PAMR1: variants seen among roughly 807,000 people sequenced by gnomAD.
The protein encoded by PAMR1 is peptidase domain containing associated with muscle regeneration 1.
In PAMR1, 88 loss-of-function variants were observed where a neutral mutation model predicts 81.8. The observed-to-expected ratio is 1.08, with a 90% CI of 0.91 to 1.28. The LOEUF is 1.28. PAMR1 is among the 50% of genes most tolerant of loss of function. PAMR1 has a pLI of 0.00. For missense variants in PAMR1, 935 were observed against 919.7 expected, an observed-to-expected ratio of 1.02 and a Z score of -0.21; for synonymous variants, 336 against 345.3, an observed-to-expected ratio of 0.97 and a Z score of 0.30.
intron 1 of PAMR1, among the ~76,000 whole-genome samples, chr11:35,514,775 C>A (rs567010142): frequency 7.9e-5 from 12 of 152,244 alleles, no homozygotes; most frequent in African/African-American, 2.2e-4. Flanking sequence ...GGCTTGAGGT[C>A]AGGAGTTTGA....
At chr11:35,515,035 A>G (rs1720350678) in intron 1 of PAMR1, among the ~76,000 whole-genome samples, 1 of 152,200 alleles carries the variant, frequency 6.6e-6, no homozygotes, top group African/African-American at 2.4e-5. Context: ...TGGCTATACA[A>G]TTCAACAAAT....
chr11:35,471,300 C>T (rs2135379415), intron 4 of PAMR1, among the ~76,000 whole-genome samples: 1 of 152,318 alleles, frequency 6.6e-6, no homozygotes, highest in South Asian at 2.1e-4. Flanking sequence ...GGCCTGTCTT[C>T]TCCACTGGCC....
intron 3 of PAMR1, among the ~76,000 whole-genome samples, chr11:35,489,739 G>A (rs925619367): frequency 6.6e-6 from 1 of 152,018 alleles, no homozygotes; most frequent in Non-Finnish European, 1.5e-5. Flanking sequence ...ATATCTTCCT[G>A]CTCTGCCAAC....
At chr11:35,471,476 T>A (rs1422225172) in intron 4 of PAMR1, among the ~76,000 whole-genome samples, 1 of 152,188 alleles carries the variant, frequency 6.6e-6, no homozygotes, top group Non-Finnish European at 1.5e-5. Context: ...AAGCTCATAT[T>A]GTTTTGCAAG....
At chr11:35,482,628 G>C (rs1850417702) in intron 3 of PAMR1, among the ~76,000 whole-genome samples, 1 of 152,190 alleles carries the variant, frequency 6.6e-6, no homozygotes. Flanking sequence ...ACTTTGGGCA[G>C]TATGGCCATT....
At chr11:35,526,495 A>G (rs1038536785), upstream of PAMR1, among the ~76,000 whole-genome samples, 1 of 152,238 alleles carries the variant, frequency 6.6e-6, no homozygotes, top group African/African-American at 2.4e-5. Flanking sequence ...ACTTTTTAAA[A>G]TAAACTCCTC....
At chr11:35,498,388 C>T (rs147479846) in intron 1 of PAMR1, among the ~76,000 whole-genome samples, 2,418 of 152,146 alleles carry the variant, frequency 0.016, 36 homozygotes, top group Non-Finnish European at 0.026. Flanking sequence ...AGTTTAGTAT[C>T]CAGTAAAATG....
intron 2 of PAMR1, among the ~76,000 whole-genome samples, chr11:35,493,548 C>T (rs1022480718): frequency 2.6e-5 from 4 of 152,174 alleles, no homozygotes; most frequent in Admixed American, 1.3e-4. Flanking sequence ...ACAGGACCTT[C>T]GCACATGTTA....
At chr11:35,505,720 C>T (rs745720154) in intron 1 of PAMR1, among the ~76,000 whole-genome samples, 4 of 152,088 alleles carry the variant, frequency 2.6e-5, no homozygotes. Flanking sequence ...CTTTTGCCAT[C>T]CCTTCACATT....
intron 1 of PAMR1, among the ~76,000 whole-genome samples, chr11:35,502,142 G>A (rs756103773): frequency 4.0e-5 from 6 of 151,898 alleles, no homozygotes; most frequent in Non-Finnish European, 7.4e-5. Flanking sequence ...ATCTCATGGC[G>A]GTTTTCATTT....
upstream of PAMR1, among the ~76,000 whole-genome samples, chr11:35,528,613 CT>C (rs58265525): frequency 2.0e-5 from 3 of 151,984 alleles, no homozygotes; most frequent in South Asian, 6.2e-4. Context: ...TCTGTTTTTT[CT>C]TTTTTTTGTC....
chr11:35,437,865 C>A (rs937893027), intron 8 of PAMR1, among the ~76,000 whole-genome samples: 1 of 152,112 alleles, frequency 6.6e-6, no homozygotes, highest in Non-Finnish European at 1.5e-5. Flanking sequence ...GGAAAGAGGG[C>A]AGAATTTGAA....
At chr11:35,446,342 T>A (rs953345660) in intron 6 of PAMR1, among the ~76,000 whole-genome samples, 5 of 152,202 alleles carry the variant, frequency 3.3e-5, no homozygotes, top group African/African-American at 1.2e-4. Context: ...CTCCTTCAGT[T>A]CTGCTGTGAT....
chr11:35,508,139 T>A (rs1354110697), intron 1 of PAMR1, among the ~76,000 whole-genome samples: 1 of 152,150 alleles, frequency 6.6e-6, no homozygotes, highest in South Asian at 2.1e-4. Context: ...TCCCTTCAGG[T>A]ACTTACAATG....
chr11:35,470,475 G>C, intron 5 of PAMR1, 126 bp downstream of exon 5: 1 of 721,476 alleles, frequency 1.4e-6, no homozygotes, highest in Non-Finnish European at 2.4e-6. Flanking sequence ...CAGTGTGTAG[G>C]CTGTTTCTAA....
At chr11:35,495,439 A>G (rs16927542) in intron 1 of PAMR1, among the ~76,000 whole-genome samples, 3,298 of 152,280 alleles carry the variant, frequency 0.022, 45 homozygotes, top group Non-Finnish European at 0.026. Context: ...GGCAAAACCT[A>G]TAAGAGGAAT....
At chr11:35,490,390 C>A (rs1332190245) in intron 3 of PAMR1, among the ~76,000 whole-genome samples, 1 of 152,164 alleles carries the variant, frequency 6.6e-6, no homozygotes, top group Non-Finnish European at 1.5e-5. Context: ...CCATATGACC[C>A]AAAGCAGGGA....
At chr11:35,454,828 T>C (rs548341535) in intron 6 of PAMR1, among the ~76,000 whole-genome samples, 3 of 152,124 alleles carry the variant, frequency 2.0e-5, no homozygotes, top group East Asian at 1.9e-4. Context: ...TCCACAAATA[T>C]GCTCGCCTTG....
At chr11:35,464,507 A>G (rs1482241347) in intron 6 of PAMR1, among the ~76,000 whole-genome samples, 2 of 152,146 alleles carry the variant, frequency 1.3e-5, no homozygotes, top group African/African-American at 2.4e-5. Flanking sequence ...ACTGGCCTCT[A>G]CCCACTAGAT....
Sources: allele counts gnomAD v4.1 joint callset (sites outside exome capture counted in the v4.1 genomes callset), GRCh38; gene constraint gnomAD v4.1.1; transcripts MANE v1.5; gene names NCBI Gene and HGNC (gene_info 2026-07-23, HGNC 2026-07-21).